XRN2: variants seen among roughly 807,000 people sequenced by gnomAD.
XRN2 encodes the protein DHM1-like protein.
A neutral mutation model predicts 138.5 loss-of-function variants in XRN2; 44 were observed. The observed-to-expected ratio is 0.32, with a 90% CI of 0.25 to 0.41. The LOEUF (loss-of-function observed/expected upper bound fraction) is 0.41, where lower values mean the gene tolerates loss of function less well. Among genes scored for constraint, XRN2 ranks in the 10% least tolerant of loss-of-function variants. The pLI is 1.00. For missense variants in XRN2, 937 were observed against 1,169.3 expected, an observed-to-expected ratio of 0.80 and a Z score of 2.90; for synonymous variants, 354 against 369.4, an observed-to-expected ratio of 0.96 and a Z score of 0.48.
chr20:21,317,080 C>G (rs141258540), intron 1 of XRN2, among the ~76,000 whole-genome samples: 5 of 152,126 alleles, frequency 3.3e-5, no homozygotes, highest in African/African-American at 1.2e-4. Flanking sequence ...TTTCTAATAT[C>G]AATACCTTTT....
chr20:21,334,583 T>C (rs2038260048), intron 13 of XRN2, among the ~76,000 whole-genome samples: 1 of 152,146 alleles, frequency 6.6e-6, no homozygotes, highest in South Asian at 2.1e-4. Context: ...TTGGATTATA[T>C]CAGCCAGGGC....
At chr20:21,330,382 T>C in intron 4 of XRN2, 99 bp from the exon 5 acceptor site, 2 of 1,249,662 alleles carry the variant, frequency 1.6e-6, no homozygotes, top group Admixed American at 2.4e-5. Flanking sequence ...CTTCACTTTC[T>C]TTTGTAGTGG....
At chr20:21,381,847 T>A in intron 27 of XRN2, 147 bp from the exon 28 acceptor site, 1 of 557,840 alleles carries the variant, frequency 1.8e-6, no homozygotes, top group Non-Finnish European at 2.9e-6. Flanking sequence ...CTTTTTACAT[T>A]TGTGGTGTGT....
At chr20:21,315,788 A>G (rs747783479) in intron 1 of XRN2, among the ~76,000 whole-genome samples, 20 of 152,192 alleles carry the variant, frequency 1.3e-4, no homozygotes, top group Non-Finnish European at 2.5e-4. Context: ...GTGAGCCATC[A>G]TACCCGGCCT....
rs145549880 is a variant in XRN2, at chr20:21,355,771, T to A, written c.2021-309T>A. Among the ~76,000 whole-genome samples, 539 of 152,274 alleles carry A rather than the reference T, an allele frequency of 3.5e-3. 4 individuals carry two copies. The highest frequency in any genetic ancestry group is 0.013 in the African/African-American group (521 of 41,572). ...GGTCCATGTGATATTTTGATACCTATATACAATATGTGATCAAAATAGGGT... is the reference window on the plus strand; with the variant it reads ...GGTCCATGTGATATTTTGATACCTAAATACAATATGTGATCAAAATAGGGT... On this transcript the variant is annotated intron_variant, in intron 21 of 29. Coordinates refer to ENST00000377191, the MANE Select transcript of XRN2 (RefSeq NM_012255.5).
At position 21,303,691 on chromosome 20, in the gene XRN2, G is replaced by A. The variant is rs533474199; in HGVS notation, c.75+218G>A. The A allele has an allele frequency of 2.1e-5, 27 of 1,285,538 alleles. No individual in the cohort carries two copies. The African/African-American group carries it at 4.1e-4, about 19-fold the overall frequency. The allele number at this position is 1,285,538 out of a possible 1,614,324, so 79.6% of individuals were successfully genotyped here. A position where few individuals can be genotyped will look rare whatever the true frequency, so the allele number is the denominator to read the frequency against. ...AATTCAGGACCCTCGGCGGGGCAAGGGCCTATAGGGTTCCGAACTCGCAGG... is the reference window on the plus strand; with the variant it reads ...AATTCAGGACCCTCGGCGGGGCAAGAGCCTATAGGGTTCCGAACTCGCAGG... On this transcript the variant is annotated intron_variant, in intron 1 of 29. Coordinates refer to ENST00000377191, the MANE Select transcript of XRN2 (RefSeq NM_012255.5).
chr20:21,319,093 C>A (rs2038002259), intron 1 of XRN2, among the ~76,000 whole-genome samples: 1 of 151,976 alleles, frequency 6.6e-6, no homozygotes, highest in South Asian at 2.1e-4. Context: ...ATTGTTATAT[C>A]TTTTTCTTGA....
At chr20:21,377,122 T>C (rs986895765) in intron 27 of XRN2, among the ~76,000 whole-genome samples, 13 of 152,276 alleles carry the variant, frequency 8.5e-5, no homozygotes, top group African/African-American at 1.2e-4. Flanking sequence ...AAGAAATGTA[T>C]TGGATAAATA....
Position 21,385,772 on chromosome 20 carries a change from C to T in XRN2, c.2649-1096C>T, listed in dbSNP as rs1279056681. Among the ~76,000 whole-genome samples, 5 of 152,188 alleles carry T rather than the reference C, an allele frequency of 3.3e-5. No individual in the cohort carries two copies. In the East Asian group the frequency reaches 7.7e-4, roughly 23 times the overall value. On this transcript the variant is annotated intron_variant, in intron 28 of 29. Coordinates refer to ENST00000377191, the MANE Select transcript of XRN2 (RefSeq NM_012255.5). ...AGAATGCTTTACCCAATGAGCCCAG[C>T]GCCGGGCTTTTTTCCCCTAAGACCT...
chr20:21,304,149 T>A (rs963877465), intron 1 of XRN2, among the ~76,000 whole-genome samples: 1 of 152,184 alleles, frequency 6.6e-6, no homozygotes, highest in Non-Finnish European at 1.5e-5. Context: ...GCAGTACAAT[T>A]TTTGTTGTTA....
chr20:21,382,021 GTCC>G lies in XRN2; in HGVS notation c.2619_2621del (p.Pro874del). 1.2e-6 allele frequency: 2 copies of G among 1,607,022 alleles called. No individual in the cohort carries two copies. The highest frequency in any genetic ancestry group is 1.1e-5 in the South Asian group (1 of 90,134). The stretch of plus-strand genomic sequence containing the variant: ...ATGAGGCCCCAGGATTCCTGGCGAG[GTCC>G]TCCTCCCCTTTTCCAGCAGCAAAGG... On this transcript the variant is annotated inframe_deletion, in exon 28 of 30. Transcript: ENST00000377191.
rs61188840 is a variant in XRN2 at position 21,321,301 on chromosome 20, C to CTGTG, written c.76-4932_76-4929dup. Among the ~76,000 whole-genome samples the CTGTG allele has an allele frequency of 6.5e-3, 786 of 121,498 alleles. 6 individuals carry two copies. Among genetic ancestry groups the CTGTG allele is most frequent in the Non-Finnish European group, 8.0e-3 (463 of 58,164 alleles). 79.7% of individuals were successfully genotyped at this position (121,498 alleles called of 152,430 possible). A position where few individuals can be genotyped will look rare whatever the true frequency, so the allele number is the denominator to read the frequency against. On this transcript the variant is annotated intron_variant, in intron 1 of 29. Coordinates refer to ENST00000377191, the MANE Select transcript of XRN2 (RefSeq NM_012255.5). ...TATAGTTATGAGCCACTGTGCCTGG[C>CTGTG]TGTGTGTGTGTGTGTGTGTGTGTGT...
rs916151683 is a variant in XRN2 at position 21,357,787 on chromosome 20, A to G, written c.2250A>G (p.Val750=). The G allele has an allele frequency of 6.3e-7, 1 of 1,599,114 alleles. No individual in the cohort carries two copies. Among genetic ancestry groups the G allele is most frequent in the Admixed American group, 1.7e-5 (1 of 57,808 alleles). The change falls in exon 24 of 30, where the codon GTA becomes GTG. Residue 750 remains valine (V), a synonymous_variant. Transcript: ENST00000377191. Reference sequence around the variant, plus strand: ...TAAGGGATCTGACACAGAACACTGTAGTCAGGTAAGTTTTCCAAAATTCAT... The same window carrying G: ...TAAGGGATCTGACACAGAACACTGTGGTCAGGTAAGTTTTCCAAAATTCAT... ...PMLRDLTQNT[V]VSINFKDPQF...
At chr20:21,330,794 C>A in intron 6 of XRN2, 89 bp downstream of exon 6, 1 of 1,241,220 alleles carries the variant, frequency 8.1e-7, no homozygotes, top group East Asian at 2.4e-5. Flanking sequence ...ATCCTTCTGC[C>A]CTGCCCCATA....
At chr20:21,366,574 A>G (rs969526693) in intron 26 of XRN2, among the ~76,000 whole-genome samples, 106 of 151,154 alleles carry the variant, frequency 7.0e-4, no homozygotes, top group African/African-American at 2.4e-3. Flanking sequence ...AAAAAAAAAA[A>G]GGGAAAAAAA....
At chr20:21,348,633 T>C (rs2038468249) in intron 19 of XRN2, among the ~76,000 whole-genome samples, 1 of 152,154 alleles carries the variant, frequency 6.6e-6, no homozygotes, top group Non-Finnish European at 1.5e-5. Context: ...TTTTTTTGTT[T>C]AGTTTTTGAT....
At chr20:21,326,956 A>G (rs180974853) in intron 3 of XRN2, among the ~76,000 whole-genome samples, 2 of 152,298 alleles carry the variant, frequency 1.3e-5, no homozygotes, top group Admixed American at 1.3e-4. Context: ...CAGTGCTACT[A>G]AGGAAGTTAG....
intron 27 of XRN2, among the ~76,000 whole-genome samples, chr20:21,376,824 T>C (rs2038827927): frequency 6.6e-6 from 1 of 152,156 alleles, no homozygotes; most frequent in African/African-American, 2.4e-5. Flanking sequence ...AAGAATGTGA[T>C]GAGTGAGTTT....
At chr20:21,322,456 C>A (rs906150781) in intron 1 of XRN2, among the ~76,000 whole-genome samples, 1 of 152,126 alleles carries the variant, frequency 6.6e-6, no homozygotes, top group African/African-American at 2.4e-5. Context: ...AAATCTGAAA[C>A]TGAGTTGTAT....
Sources: gnomAD v4.1 joint callset for allele counts (sites outside exome capture counted in the v4.1 genomes callset) on GRCh38, gnomAD v4.1.1 for gene constraint, MANE v1.5 for transcripts, NCBI Gene and HGNC (gene_info 2026-07-23, HGNC 2026-07-21) for gene names.